Variants in FBXL20 observed in about 807,000 individuals in gnomAD.
FBXL20 encodes the protein F-box and leucine rich repeat protein 20.
A neutral mutation model predicts 64.0 loss-of-function variants in FBXL20; 11 were observed. That is an observed-to-expected ratio of 0.17 (90% CI 0.11 to 0.28). The LOEUF (loss-of-function observed/expected upper bound fraction) is 0.28, where lower values mean the gene tolerates loss of function less well. FBXL20 is among the 10% of genes least tolerant of loss of function. FBXL20 has a pLI of 1.00. For missense variants in FBXL20, 303 were observed against 526.2 expected (o/e 0.58, Z 4.15); for synonymous variants, 184 against 189.0 (o/e 0.97, Z 0.22).
intron 2 of FBXL20, among the ~76,000 whole-genome samples, chr17:39,308,677 G>A (rs952563501): frequency 4.6e-5 from 7 of 150,858 alleles, no homozygotes; most frequent in African/African-American, 1.7e-4. Context: ...CCATTCTCCT[G>A]CCTCAGCCTC....
intron 2 of FBXL20, among the ~76,000 whole-genome samples, chr17:39,340,687 AAATAAGAACATCTAAAAAAAAAAG>A (rs2047573858): frequency 6.6e-6 from 1 of 152,138 alleles, no homozygotes; most frequent in Admixed American, 6.6e-5. Context: ...GAAAACTTAA[AAATAAGAACATCTAAAAAAAAAAG>A]ATACATAAAA....
chr17:39,329,663 A>C lies in FBXL20; in HGVS notation c.104+13517T>G, dbSNP rs1235973256. Among the ~76,000 whole-genome samples the C allele has an allele frequency of 3.3e-5, 5 of 152,056 alleles. 1 individual carries two copies. Among genetic ancestry groups the C allele is most frequent in the Non-Finnish European group, 7.4e-5 (5 of 68,026 alleles). On this transcript the variant is annotated intron_variant, in intron 2 of 14. Transcript: ENST00000264658. ...CTGCAGCCTTTCAGGGGTAAAAAGCATCATGTCTATAACTTATCTCTAATG... is the reference window on the plus strand; with the variant it reads ...CTGCAGCCTTTCAGGGGTAAAAAGCCTCATGTCTATAACTTATCTCTAATG...
chr17:39,373,142 T>C (rs1228444915), intron 1 of FBXL20, among the ~76,000 whole-genome samples: 1 of 152,156 alleles, frequency 6.6e-6, no homozygotes, highest in Non-Finnish European at 1.5e-5. Flanking sequence ...TGAAACCTTT[T>C]CTGACCCCCT....
chr17:39,351,319 A>G (rs1056165666), intron 1 of FBXL20, among the ~76,000 whole-genome samples: 1 of 148,652 alleles, frequency 6.7e-6, no homozygotes, highest in Non-Finnish European at 1.5e-5. Context: ...TTGGGCAACA[A>G]GAGAGAAACT....
At position 39,297,193 on chromosome 17, in the gene FBXL20, G is replaced by C; in HGVS notation, c.332C>G (p.Thr111Ser). The C allele has an allele frequency of 6.2e-7, 1 of 1,606,396 alleles. No individual in the cohort carries two copies. The highest frequency in any genetic ancestry group is 8.5e-7 in the Non-Finnish European group (1 of 1,175,024). ...CLGVGDNALRTFAQNCRNIEV... is the reference protein window; with the variant it reads ...CLGVGDNALRSFAQNCRNIEV... The stretch of plus-strand genomic sequence containing the variant: ...AATGTTCCTGCAGTTTTGTGCAAAG[G>C]TTCTTTGTAGGAAAGAAAGTAAGAG... The change falls in exon 6 of 15, where the codon ACC (threonine) becomes AGC (serine). Residue 111 changes from threonine (T) to serine (S), a missense_variant and splice_region_variant. Physicochemically the swap from Thr to Ser is moderately conservative, Grantham distance 58. This residue lies in a region of FBXL20 where 246 missense variants were observed against 422.6 expected (regional missense o/e 0.58). Coordinates refer to ENST00000264658, the MANE Select transcript of FBXL20 (RefSeq NM_032875.3).
intron 10 of FBXL20, among the ~76,000 whole-genome samples, chr17:39,271,475 G>A (rs540496553): frequency 4.4e-4 from 67 of 152,056 alleles, no homozygotes; most frequent in African/African-American, 1.6e-3. Flanking sequence ...GCGGGTGCCT[G>A]TAGTCCCGGC....
intron 2 of FBXL20, among the ~76,000 whole-genome samples, chr17:39,341,054 C>T (rs1482910251): frequency 2.8e-5 from 4 of 144,200 alleles, no homozygotes; most frequent in African/African-American, 1.0e-4. Context: ...AACAAAATTT[C>T]AAAATTTCAA....
At chr17:39,301,104 G>A in intron 3 of FBXL20, 29 bp from the exon 4 acceptor site, 1 of 1,598,306 alleles carries the variant, frequency 6.3e-7, no homozygotes, top group Non-Finnish European at 8.6e-7. Context: ...GACAGAATGA[G>A]CAGAAGCTAA....
chr17:39,357,071 C>T (rs555203851), intron 1 of FBXL20, among the ~76,000 whole-genome samples: 3 of 151,260 alleles, frequency 2.0e-5, no homozygotes, highest in Non-Finnish European at 3.0e-5. Flanking sequence ...GTTGGGAGTT[C>T]GAGACCAGCC....
At chr17:39,296,343 G>A (rs1050330297) in intron 6 of FBXL20, among the ~76,000 whole-genome samples, 10 of 151,832 alleles carry the variant, frequency 6.6e-5, no homozygotes, top group African/African-American at 1.7e-4. Context: ...GGCGGATCAC[G>A]AGGTCAGGAG....
At chr17:39,281,600 G>A (rs1290855858) in intron 8 of FBXL20, 137 bp from the exon 9 acceptor site, 7 of 631,398 alleles carry the variant, frequency 1.1e-5, no homozygotes, top group East Asian at 2.8e-5. Context: ...CAGAAAATAC[G>A]CTATGATCAT....
intron 1 of FBXL20, among the ~76,000 whole-genome samples, chr17:39,389,973 C>G (rs1482070906): frequency 6.6e-6 from 1 of 152,146 alleles, no homozygotes; most frequent in African/African-American, 2.4e-5. Context: ...TTTTAGATGT[C>G]AACTTACAAT....
At chr17:39,312,993 A>G (rs1432690007) in intron 2 of FBXL20, among the ~76,000 whole-genome samples, 1 of 141,180 alleles carries the variant, frequency 7.1e-6, no homozygotes, top group Non-Finnish European at 1.5e-5. Context: ...ATCTCGGCTC[A>G]CTGCAACCTC....
intron 2 of FBXL20, among the ~76,000 whole-genome samples, chr17:39,335,819 T>C (rs1727810926): frequency 6.6e-6 from 1 of 152,070 alleles, no homozygotes; most frequent in Non-Finnish European, 1.5e-5. Flanking sequence ...AAACTTTGTT[T>C]CAATAGGGAA....
chr17:39,259,379 T>A lies in FBXL20; in HGVS notation c.*2081A>T, dbSNP rs748907538. The A allele has an allele frequency of 1.3e-5, 2 of 152,188 alleles. No homozygotes were observed. The highest frequency in any genetic ancestry group is 4.8e-5 in the African/African-American group (2 of 41,460). 9.4% of individuals were successfully genotyped at this position (152,188 alleles called of 1,614,324 possible). ...ATCATATAGAAGATTAATATTATGA[T>A]GGATTGCACATTAATGTCTCAAAGG... is the stretch of plus-strand genomic sequence containing the variant. On this transcript the variant is annotated 3_prime_UTR_variant, in exon 15 of 15. Coordinates refer to ENST00000264658, the MANE Select transcript of FBXL20 (RefSeq NM_032875.3).
intron 4 of FBXL20, 112 bp from the exon 5 acceptor site, chr17:39,299,196 CTAATT>C (rs1291948249): frequency 5.5e-6 from 4 of 727,630 alleles, no homozygotes; most frequent in East Asian, 2.8e-5. Flanking sequence ...CTATTATGAC[CTAATT>C]TAATAGGAAA....
intron 9 of FBXL20, among the ~76,000 whole-genome samples, chr17:39,275,793 C>T (rs1025596227): frequency 2.0e-5 from 3 of 151,948 alleles, no homozygotes; most frequent in Non-Finnish European, 4.4e-5. Flanking sequence ...CAAATTGACA[C>T]TGATAAGTTA....
chr17:39,367,942 T>C (rs1206006020), intron 1 of FBXL20, among the ~76,000 whole-genome samples: 1 of 150,378 alleles, frequency 6.6e-6, no homozygotes, highest in African/African-American at 2.5e-5. Context: ...TTTTTTTTTC[T>C]TTTTTTTGTA....
intron 7 of FBXL20, 94 bp from the exon 8 acceptor site, chr17:39,282,949 A>G: frequency 1.4e-6 from 2 of 1,404,766 alleles, no homozygotes; most frequent in Non-Finnish European, 2.0e-6. Flanking sequence ...AAAGGAATGG[A>G]AACATTCCCA....
Sources: allele counts gnomAD v4.1 joint callset (sites outside exome capture counted in the v4.1 genomes callset), GRCh38; gene constraint gnomAD v4.1.1; regional missense constraint gnomAD v4.1.1; transcripts MANE v1.5; gene names NCBI Gene and HGNC (gene_info 2026-07-23, HGNC 2026-07-21).